Variants in SND1 observed in about 807,000 individuals in gnomAD.
SND1 encodes the protein staphylococcal nuclease and tudor domain containing 1.
In SND1, 38 loss-of-function variants were observed where a neutral mutation model predicts 121.7. The observed-to-expected ratio is 0.31, with a 90% CI of 0.24 to 0.41. SND1 has a LOEUF of 0.41. Among genes scored for constraint, SND1 ranks in the 10% least tolerant of loss-of-function variants. SND1 has a pLI of 1.00. For missense variants in SND1, 868 were observed against 1,184.6 expected, an observed-to-expected ratio of 0.73 and a Z score of 3.92; for synonymous variants, 401 against 447.4, an observed-to-expected ratio of 0.90 and a Z score of 1.31.
At chr7:127,922,185 T>TTTTTTTG (rs1800724941) in intron 14 of SND1, among the ~76,000 whole-genome samples, 4 of 89,470 alleles carry the variant, frequency 4.5e-5, no homozygotes, top group Admixed American at 1.2e-4. Flanking sequence ...CTTTTTTTTT[T>TTTTTTTG]TTTTTTTTTT....
intron 15 of SND1, among the ~76,000 whole-genome samples, chr7:127,958,103 A>T (rs2116865888): frequency 6.6e-6 from 1 of 152,320 alleles, no homozygotes; most frequent in African/African-American, 2.4e-5. Flanking sequence ...ATACAAAGCA[A>T]ACTATATGAA....
chr7:127,896,622 A>G (rs1800125297), intron 13 of SND1, among the ~76,000 whole-genome samples: 1 of 152,130 alleles, frequency 6.6e-6, no homozygotes, highest in African/African-American at 2.4e-5. Context: ...TTGATCATTT[A>G]ATCTTCATTG....
intron 10 of SND1, among the ~76,000 whole-genome samples, chr7:127,745,187 A>G (rs1466239922): frequency 6.6e-6 from 1 of 152,200 alleles, no homozygotes; most frequent in Non-Finnish European, 1.5e-5. Context: ...TACTCACACA[A>G]ACCTAGGTAG....
At position 128,068,063 on chromosome 7, in the gene SND1, C is replaced by A. The variant is rs187209357; in HGVS notation, c.1780-6439C>A. ...CCTGGAGGAGGCTTTAGGAGAGGGA[C>A]CTGGATCTTCAGCTTTGCGCCTACT... On this transcript the variant is annotated intron_variant, in intron 16 of 23. Transcript: ENST00000354725. Among the ~76,000 whole-genome samples the A allele has an allele frequency of 2.2e-4, 33 of 152,216 alleles. 1 individual carries two copies. The East Asian group carries it at 5.6e-3, about 26-fold the overall frequency.
chr7:127,685,293 T>G (rs985271685), intron 1 of SND1, among the ~76,000 whole-genome samples: 1 of 152,222 alleles, frequency 6.6e-6, no homozygotes, highest in Non-Finnish European at 1.5e-5. Context: ...CCTTTTTCTC[T>G]TCCTTTGATT....
intron 12 of SND1, among the ~76,000 whole-genome samples, chr7:127,867,668 C>T (rs922914607): frequency 6.6e-6 from 1 of 152,198 alleles, no homozygotes; most frequent in Admixed American, 6.5e-5. Context: ...CTGGTTTATG[C>T]TGTCAGTGTA....
rs573489296 is a variant in SND1 at position 127,731,047 on chromosome 7, C to T, written c.1152+9647C>T. Among the ~76,000 whole-genome samples, 27 of 152,362 alleles carry T rather than the reference C, an allele frequency of 1.8e-4. No individual in the cohort carries two copies. In the South Asian group the frequency reaches 4.3e-3, roughly 25 times the overall value. The stretch of plus-strand genomic sequence containing the variant: ...CCAGCTGGAGAGGCTTGTTTTAGAA[C>T]GACTGGCATGCGGAAGCGGTAGGTG... On this transcript the variant is annotated intron_variant, in intron 10 of 23. Transcript: ENST00000354725.
chr7:127,997,877 G>T, intron 16 of SND1: 1 of 534,746 alleles, frequency 1.9e-6, no homozygotes, highest in East Asian at 5.4e-5. Context: ...GTTCTGGAAG[G>T]TGCACCACCT....
At chr7:127,844,508 A>T in intron 12 of SND1, 84 bp downstream of exon 12, 1 of 1,112,220 alleles carries the variant, frequency 9.0e-7, no homozygotes, top group South Asian at 1.6e-5. Context: ...CCTTCCTTTC[A>T]CTCTGCTTTG....
At chr7:127,987,033 T>C (rs116131246) in intron 15 of SND1, among the ~76,000 whole-genome samples, 1,920 of 152,362 alleles carry the variant, frequency 0.013, 52 homozygotes, top group African/African-American at 0.044. Flanking sequence ...AATATATCTT[T>C]ATCAGCAGGC....
At chr7:127,945,229 A>G (rs1192785852) in intron 15 of SND1, among the ~76,000 whole-genome samples, 1 of 152,324 alleles carries the variant, frequency 6.6e-6, no homozygotes, top group Admixed American at 6.5e-5. Flanking sequence ...GTGGTGGCTC[A>G]CGCCTGTAAT....
chr7:127,737,656 G>A lies in SND1; in HGVS notation c.1152+16256G>A, dbSNP rs1226513191. 2.0e-5 allele frequency among the ~76,000 whole-genome samples: 3 copies of A among 152,224 alleles called. No homozygotes were observed. In the East Asian group the frequency reaches 5.8e-4, roughly 29 times the overall value. ...ACAGGTTTAGTATCCCCTGTCTAAAGTGGTTGGGACCAGAAGTGATTCGGA... is the reference window on the plus strand; with the variant it reads ...ACAGGTTTAGTATCCCCTGTCTAAAATGGTTGGGACCAGAAGTGATTCGGA... On this transcript the variant is annotated intron_variant, in intron 10 of 23. Transcript: ENST00000354725.
chr7:127,665,951 G>C (rs950419364), intron 1 of SND1, among the ~76,000 whole-genome samples: 1 of 152,186 alleles, frequency 6.6e-6, no homozygotes. Context: ...GGACACTCCC[G>C]AGTACCTGGG....
chr7:127,836,821 T>C (rs895317068), intron 11 of SND1, among the ~76,000 whole-genome samples: 20 of 152,286 alleles, frequency 1.3e-4, no homozygotes, highest in African/African-American at 4.8e-4. Context: ...TAGAATCATG[T>C]TGACAAATCA....
chr7:127,880,334 AG>A (rs1799766944), intron 12 of SND1, among the ~76,000 whole-genome samples: 1 of 152,206 alleles, frequency 6.6e-6, no homozygotes, highest in Non-Finnish European at 1.5e-5. Flanking sequence ...ATGTATATAT[AG>A]GAAAAAATAC....
chr7:127,910,211 G>A (rs554042600), intron 14 of SND1, among the ~76,000 whole-genome samples: 1 of 152,250 alleles, frequency 6.6e-6, no homozygotes, highest in South Asian at 2.1e-4. Flanking sequence ...AGGCTGAGGT[G>A]GGCGGATCTC....
At chr7:127,947,870 G>C (rs1035573479) in intron 15 of SND1, among the ~76,000 whole-genome samples, 5 of 152,144 alleles carry the variant, frequency 3.3e-5, no homozygotes, top group African/African-American at 1.2e-4. Context: ...GGATTTTATG[G>C]CCAGTTGTTT....
chr7:127,978,860 T>C lies in SND1; in HGVS notation c.1670-12087T>C, dbSNP rs545824320. Among the ~76,000 whole-genome samples, 11 of 152,232 alleles carry C rather than the reference T, an allele frequency of 7.2e-5. No homozygotes were observed. In the South Asian group the frequency reaches 2.3e-3, roughly 32 times the overall value. On this transcript the variant is annotated intron_variant, in intron 15 of 23. Coordinates refer to ENST00000354725, the MANE Select transcript of SND1 (RefSeq NM_014390.4). Reference sequence around the variant, plus strand: ...CACCACCACGCCTGGCCAATTTTTGTATTTTTAGTAGAGGTGGGGTTTCAC... The same window carrying C: ...CACCACCACGCCTGGCCAATTTTTGCATTTTTAGTAGAGGTGGGGTTTCAC...
chr7:127,771,594 A>T (rs994455424), intron 10 of SND1, among the ~76,000 whole-genome samples: 1 of 152,138 alleles, frequency 6.6e-6, no homozygotes, highest in Non-Finnish European at 1.5e-5. Context: ...GGCTTATTGG[A>T]GATATATCAT....
Sources: allele counts gnomAD v4.1 joint callset (sites outside exome capture counted in the v4.1 genomes callset), GRCh38; gene constraint gnomAD v4.1.1; transcripts MANE v1.5; gene names NCBI Gene and HGNC (gene_info 2026-07-23, HGNC 2026-07-21).